The following MARCHF3 variants were observed in gnomAD, a reference collection of about 807,000 sequenced individuals.
The protein encoded by MARCHF3 is E3 ubiquitin-protein ligase MARCHF3.
In MARCHF3, 13 loss-of-function variants were observed where a neutral mutation model predicts 24.2. The observed-to-expected ratio is 0.54, with a 90% CI of 0.35 to 0.85. The LOEUF is 0.85. MARCHF3 is among the 40% of genes least tolerant of loss of function. MARCHF3 has a pLI of 0.01. For synonymous variants in MARCHF3, 144 were observed against 137.3 expected (o/e 1.05, Z -0.34); for missense variants, 276 against 325.0 (o/e 0.85, Z 1.16).
intron 3 of MARCHF3, among the ~76,000 whole-genome samples, chr5:126,889,680 CT>C (rs906240831): frequency 3.3e-5 from 5 of 152,204 alleles, no homozygotes; most frequent in African/African-American, 1.2e-4. Context: ...CAATGTTTTG[CT>C]GCCTAAAAGG....
chr5:126,966,858 C>CTTGTAT (rs1170610653), intron 1 of MARCHF3, among the ~76,000 whole-genome samples: 2 of 46,204 alleles, frequency 4.3e-5, no homozygotes, highest in Non-Finnish European at 8.8e-5. Context: ...TCTTTAAATT[C>CTTGTAT]TTGTATTTGC....
chr5:127,015,118 A>G, intron 1 of MARCHF3, among the ~76,000 whole-genome samples: 1 of 152,366 alleles, frequency 6.6e-6, no homozygotes, highest in East Asian at 1.9e-4. Context: ...GTCAGTTAAA[A>G]ATAAATAAAT....
At chr5:127,029,951 C>T (rs1478286925) in intron 1 of MARCHF3, 2 of 152,260 alleles carry the variant, frequency 1.3e-5, no homozygotes, top group Non-Finnish European at 2.9e-5. Flanking sequence ...CTCGCTCAGC[C>T]TTGAGATCCA....
intron 1 of MARCHF3, among the ~76,000 whole-genome samples, chr5:126,918,791 C>T (rs915970446): frequency 1.3e-5 from 2 of 152,180 alleles, no homozygotes; most frequent in Non-Finnish European, 2.9e-5. Flanking sequence ...GACTGTACCA[C>T]CTTTCGACTT....
intron 3 of MARCHF3, among the ~76,000 whole-genome samples, chr5:126,894,677 C>T (rs1561781887): frequency 6.6e-6 from 1 of 151,980 alleles, no homozygotes; most frequent in Non-Finnish European, 1.5e-5. Context: ...TGATGGGCTT[C>T]CCTTTGAGGG....
At chr5:126,934,032 A>AT (rs779800965) in intron 1 of MARCHF3, among the ~76,000 whole-genome samples, 6 of 152,158 alleles carry the variant, frequency 3.9e-5, no homozygotes, top group African/African-American at 7.2e-5. Flanking sequence ...AAACTGCATT[A>AT]TTTTTTAAAC....
chr5:126,874,965 G>A (rs1323874860), intron 4 of MARCHF3, among the ~76,000 whole-genome samples: 2 of 152,108 alleles, frequency 1.3e-5, no homozygotes, highest in African/African-American at 2.4e-5. Context: ...GAACCGGGTC[G>A]CTCATTCATT....
intron 1 of MARCHF3, among the ~76,000 whole-genome samples, chr5:126,958,230 T>C (rs894905409): frequency 6.6e-6 from 1 of 152,182 alleles, no homozygotes; most frequent in African/African-American, 2.4e-5. Flanking sequence ...GCTTCCAGAA[T>C]AATACTGAAT....
At chr5:126,877,663 T>C (rs1753203151) in intron 4 of MARCHF3, among the ~76,000 whole-genome samples, 1 of 152,114 alleles carries the variant, frequency 6.6e-6, no homozygotes, top group Non-Finnish European at 1.5e-5. Context: ...AGAGTCAATA[T>C]CCCAACACAC....
intron 1 of MARCHF3, among the ~76,000 whole-genome samples, chr5:126,988,013 G>A (rs932077295): frequency 4.6e-5 from 7 of 152,116 alleles, no homozygotes; most frequent in African/African-American, 1.7e-4. Flanking sequence ...TTAGTAACTT[G>A]TCTCTACGTC....
intron 3 of MARCHF3, among the ~76,000 whole-genome samples, chr5:126,913,807 G>T (rs1160647419): frequency 6.6e-6 from 1 of 152,134 alleles, no homozygotes; most frequent in Non-Finnish European, 1.5e-5. Context: ...TAGTCTACAA[G>T]AAGCGCTTCT....
At chr5:126,902,606 T>C (rs1443920247) in intron 3 of MARCHF3, among the ~76,000 whole-genome samples, 1 of 152,180 alleles carries the variant, frequency 6.6e-6, no homozygotes, top group Admixed American at 6.6e-5. Context: ...ACTGAGCAGT[T>C]AGCTCACTTC....
At chr5:126,880,499 TATTA>T (rs1020567712) in intron 3 of MARCHF3, among the ~76,000 whole-genome samples, 54 of 152,320 alleles carry the variant, frequency 3.5e-4, no homozygotes, top group African/African-American at 1.2e-3. Flanking sequence ...AAAGAGCTCT[TATTA>T]ATTAACATGT....
intron 1 of MARCHF3, among the ~76,000 whole-genome samples, chr5:127,021,732 T>C (rs751644299): frequency 4.6e-5 from 7 of 152,032 alleles, no homozygotes; most frequent in Admixed American, 2.0e-4. Context: ...CACAACTTAA[T>C]TAGGTAGATC....
intron 3 of MARCHF3, among the ~76,000 whole-genome samples, chr5:126,900,952 C>T (rs1291375823): frequency 3.3e-5 from 5 of 151,974 alleles, no homozygotes; most frequent in East Asian, 1.9e-4. Flanking sequence ...GTGATCCACC[C>T]GCCTCAGGCT....
chr5:126,897,957 T>C (rs886141671), intron 3 of MARCHF3, among the ~76,000 whole-genome samples: 3 of 152,026 alleles, frequency 2.0e-5, no homozygotes, highest in African/African-American at 7.3e-5. Context: ...GTCCACATAC[T>C]GTAGGATTCC....
intron 1 of MARCHF3, among the ~76,000 whole-genome samples, chr5:126,988,210 T>C (rs1472283246): frequency 6.6e-6 from 1 of 152,148 alleles, no homozygotes; most frequent in Admixed American, 6.6e-5. Flanking sequence ...ATTCTCAGTC[T>C]TGATCTGAAA....
chr5:126,897,789 G>A (rs552002673), intron 3 of MARCHF3, among the ~76,000 whole-genome samples: 1 of 152,168 alleles, frequency 6.6e-6, no homozygotes, highest in South Asian at 2.1e-4. Context: ...ATAATTACTA[G>A]TAGTAGTAGC....
chr5:126,899,063 C>T, intron 3 of MARCHF3: 1 of 985,300 alleles, frequency 1.0e-6, no homozygotes, highest in Non-Finnish European at 1.2e-6. Context: ...CAGTGTAAAT[C>T]TATCCCTCTA....
Sources: gnomAD v4.1 joint callset for allele counts (sites outside exome capture counted in the v4.1 genomes callset) on GRCh38, gnomAD v4.1.1 for gene constraint, MANE v1.5 for transcripts, NCBI Gene and HGNC (gene_info 2026-07-23, HGNC 2026-07-21) for gene names.